SPECC1L: variants seen among roughly 807,000 people sequenced by gnomAD.
The protein encoded by SPECC1L is sperm antigen with calponin homology and coiled-coil domains 1 like, also known as cytospin-A.
A neutral mutation model predicts 116.8 loss-of-function variants in SPECC1L; 40 were observed. The ratio of observed to expected loss-of-function variants is 0.34; its 90% confidence interval spans 0.27 to 0.45. The LOEUF is 0.45. SPECC1L is among the 20% of genes least tolerant of loss of function. The pLI is 1.00. For missense variants in SPECC1L, 1,110 were observed against 1,373.6 expected (o/e 0.81, Z 3.03); for synonymous variants, 504 against 500.6 (o/e 1.01, Z -0.09).
intron 14 of SPECC1L, among the ~76,000 whole-genome samples, chr22:24,393,267 C>A (rs141702604): frequency 8.1e-4 from 124 of 152,272 alleles, no homozygotes; most frequent in African/African-American, 2.8e-3. Context: ...AGTGACCTGA[C>A]AGAACCTTAT....
At chr22:24,369,392 G>C in intron 14 of SPECC1L, 72 bp downstream of exon 14, 3 of 1,061,976 alleles carry the variant, frequency 2.8e-6, no homozygotes, top group Non-Finnish European at 1.5e-6. Flanking sequence ...AGCTTACTAC[G>C]TGTCACACAT....
In SPECC1L at chr22:24,298,098, C is replaced by A. The variant is rs533109723; in HGVS notation, c.-37-4097C>A. On this transcript the variant is annotated intron_variant, in intron 2 of 16. Transcript: ENST00000314328. ...ACTTTATGATGGCATGAAACTGTCA[C>A]ATTTTGAATGTAATGTATAATATTC... Among the ~76,000 whole-genome samples the A allele has an allele frequency of 8.5e-5, 13 of 152,238 alleles. No homozygotes were observed. In the South Asian group the frequency reaches 1.5e-3, roughly 17 times the overall value.
In SPECC1L at chr22:24,365,759, A is replaced by C. The variant is rs552222543; in HGVS notation, c.2984+127A>C. On this transcript the variant is annotated intron_variant, in intron 13 of 16. Transcript: ENST00000314328. ...TTTCTTTTTCTGTGTGTTGTTTGCG[A>C]ATCTTTCTTATATCCAGAATTGAGT... is the stretch of plus-strand genomic sequence containing the variant. 4 of 1,028,926 alleles carry C rather than the reference A, an allele frequency of 3.9e-6. No individual in the cohort carries two copies. The South Asian group carries it at 5.4e-5, about 14-fold the overall frequency. The allele number at this position is 1,028,926 out of a possible 1,614,324, so 63.7% of individuals were successfully genotyped here.
At chr22:24,367,721 G>A (rs541969581) in intron 13 of SPECC1L, among the ~76,000 whole-genome samples, 3 of 152,160 alleles carry the variant, frequency 2.0e-5, no homozygotes, top group Non-Finnish European at 4.4e-5. Flanking sequence ...AGCTTCTGTT[G>A]TAAATGTGTC....
chr22:24,274,227 A>C (rs1408648979), intron 1 of SPECC1L, among the ~76,000 whole-genome samples: 1 of 152,254 alleles, frequency 6.6e-6, no homozygotes, highest in Non-Finnish European at 1.5e-5. Context: ...GTGAAATAAC[A>C]TGACCATTAG....
At chr22:24,387,101 A>G (rs773505566) in intron 14 of SPECC1L, among the ~76,000 whole-genome samples, 2 of 152,230 alleles carry the variant, frequency 1.3e-5, no homozygotes, top group Non-Finnish European at 2.9e-5. Context: ...AAATGTTGGC[A>G]GTATCTGCTG....
At chr22:24,390,246 C>G in intron 14 of SPECC1L, among the ~76,000 whole-genome samples, 1 of 152,026 alleles carries the variant, frequency 6.6e-6, no homozygotes, top group East Asian at 1.9e-4. Flanking sequence ...AGCGTCCTCT[C>G]TCCATGATCA....
intron 2 of SPECC1L, among the ~76,000 whole-genome samples, chr22:24,295,320 AT>A (rs2049238134): frequency 6.6e-6 from 1 of 150,528 alleles, no homozygotes; most frequent in East Asian, 1.9e-4. Context: ...TTTTAAAATA[AT>A]TTCAATAATT....
rs1158875291 is a variant in SPECC1L, at chr22:24,414,479, G to A, written c.3265-55G>A. 8 of 1,492,182 alleles carry A rather than the reference G, an allele frequency of 5.4e-6. 1 individual carries two copies. The African/African-American group carries it at 5.5e-5, about 10-fold the overall frequency. 92.4% of individuals were successfully genotyped at this position (1,492,182 alleles called of 1,614,324 possible). ...CCATGTTGCTATGGCAGAGCCCATT[G>A]GCACAGCCTGGAGGTGACCTGCAGT... On this transcript the variant is annotated intron_variant, in intron 16 of 16. Transcript: ENST00000314328.
At chr22:24,394,921 C>T (rs1162360648) in intron 14 of SPECC1L, among the ~76,000 whole-genome samples, 1 of 152,132 alleles carries the variant, frequency 6.6e-6, no homozygotes, top group Non-Finnish European at 1.5e-5. Flanking sequence ...GCCTTGAACT[C>T]CTGGGCTCAA....
intron 14 of SPECC1L, among the ~76,000 whole-genome samples, chr22:24,402,097 G>GCTTCCCCTTCCTTCCCCTTT: frequency 1.6e-5 from 1 of 63,448 alleles, no homozygotes; most frequent in South Asian, 5.6e-4. Context: ...AAAATGTACT[G>GCTTCCCCTTCCTTCCCCTTT]CTTCCCCTTC....
intron 9 of SPECC1L, among the ~76,000 whole-genome samples, chr22:24,335,173 C>G (rs1478011935): frequency 6.6e-6 from 1 of 152,204 alleles, no homozygotes; most frequent in South Asian, 2.1e-4. Flanking sequence ...GCTTTGTCTT[C>G]TCTCCATCTC....
chr22:24,283,906 CTT>C (rs1237755351), intron 2 of SPECC1L, among the ~76,000 whole-genome samples: 1 of 152,158 alleles, frequency 6.6e-6, no homozygotes, highest in East Asian at 1.9e-4. Flanking sequence ...CTAACAGTCT[CTT>C]ATTTTCCTCT....
intron 3 of SPECC1L, among the ~76,000 whole-genome samples, chr22:24,311,675 C>T (rs1448798906): frequency 5.3e-5 from 8 of 151,988 alleles, no homozygotes; most frequent in Admixed American, 6.5e-5. Context: ...CATGGTGGCG[C>T]ATGCCTGTAG....
In SPECC1L at chr22:24,271,489, G is replaced by C. The variant is rs375682130; in HGVS notation, c.-142+506G>C. ...CGGTGCTGCTTCTGCTGTGGCCGGC[G>C]CCCGAGGCGGACGGAACGTCCTTTT... On this transcript the variant is annotated intron_variant, in intron 1 of 16. Coordinates refer to ENST00000314328, the MANE Select transcript of SPECC1L (RefSeq NM_015330.6). Among the ~76,000 whole-genome samples the C allele has an allele frequency of 1.8e-4, 27 of 152,396 alleles. 1 individual carries two copies. Among genetic ancestry groups the C allele is most frequent in the Admixed American group, 1.2e-3 (19 of 15,312 alleles).
chr22:24,392,153 C>G (rs2042285984), intron 14 of SPECC1L, among the ~76,000 whole-genome samples: 1 of 152,226 alleles, frequency 6.6e-6, no homozygotes, highest in African/African-American at 2.4e-5. Context: ...ACTGAGCTGT[C>G]CAGCCTCCAC....
chr22:24,417,208 G>GT lies in SPECC1L; in HGVS notation c.*2587dup, dbSNP rs1255471188. 2 of 152,582 alleles carry GT rather than the reference G, an allele frequency of 1.3e-5. No individual in the cohort carries two copies. The highest frequency in any genetic ancestry group is 2.9e-5 in the Non-Finnish European group (2 of 68,040). 9.5% of individuals were successfully genotyped at this position (152,582 alleles called of 1,614,324 possible). Reference sequence around the variant, plus strand: ...CGGACCGACGATACGTTTAAATGTTGTTCTAGTAAATATTCTTGAATGTAT... The same window carrying GT: ...CGGACCGACGATACGTTTAAATGTTGTTTCTAGTAAATATTCTTGAATGTAT... On this transcript the variant is annotated 3_prime_UTR_variant, in exon 17 of 17. Coordinates refer to ENST00000314328, the MANE Select transcript of SPECC1L (RefSeq NM_015330.6).
chr22:24,323,633 G>T (rs755204845), intron 5 of SPECC1L, among the ~76,000 whole-genome samples: 1 of 152,070 alleles, frequency 6.6e-6, no homozygotes, highest in Non-Finnish European at 1.5e-5. Flanking sequence ...TTATTTATTT[G>T]TTATTTTAGT....
At chr22:24,340,217 C>T (rs1207109888) in intron 10 of SPECC1L, among the ~76,000 whole-genome samples, 4 of 118,906 alleles carry the variant, frequency 3.4e-5, no homozygotes, top group South Asian at 2.9e-4. Context: ...GGCATGATTT[C>T]GGCTCACTGC....
Sources: gnomAD v4.1 joint callset for allele counts (sites outside exome capture counted in the v4.1 genomes callset) on GRCh38, gnomAD v4.1.1 for gene constraint, MANE v1.5 for transcripts, NCBI Gene and HGNC (gene_info 2026-07-23, HGNC 2026-07-21) for gene names.